The following NCAM2 variants were observed in gnomAD, a reference collection of about 807,000 sequenced individuals.
The protein encoded by NCAM2 is N-CAM-2.
Under a neutral mutation model 98.1 loss-of-function variants are expected in NCAM2, and 30 were observed. The ratio of observed to expected loss-of-function variants is 0.31; its 90% CI spans 0.23 to 0.41. The LOEUF (loss-of-function observed/expected upper bound fraction) is 0.41. NCAM2 is among the 10% of genes least tolerant of loss of function. NCAM2 has a pLI of 1.00. For missense variants in NCAM2, 867 were observed against 1,005.8 expected (o/e 0.86, Z 1.87); for synonymous variants, 368 against 342.4 (o/e 1.07, Z -0.83).
At chr21:21,365,903 C>G (rs1200500618) in intron 8 of NCAM2, among the ~76,000 whole-genome samples, 1 of 151,914 alleles carries the variant, frequency 6.6e-6, no homozygotes, top group Non-Finnish European at 1.5e-5. Context: ...GGAGTAGGTA[C>G]CCAGTAGTGG....
At chr21:21,082,490 C>T (rs1312130917) in intron 1 of NCAM2, among the ~76,000 whole-genome samples, 1 of 152,088 alleles carries the variant, frequency 6.6e-6, no homozygotes, top group African/African-American at 2.4e-5. Flanking sequence ...TTAAAAGTAG[C>T]TAGGTCAATA....
chr21:21,128,702 T>G (rs928331518), intron 1 of NCAM2, among the ~76,000 whole-genome samples: 4 of 152,128 alleles, frequency 2.6e-5, no homozygotes, highest in Non-Finnish European at 5.9e-5. Flanking sequence ...TAATTGGGCT[T>G]TGTAAGGCAA....
In NCAM2 at chr21:21,034,860, A is replaced by G. The variant is rs377044063; in HGVS notation, c.55+36242A>G. On this transcript the variant is annotated intron_variant, in intron 1 of 17. Coordinates refer to ENST00000400546, the MANE Select transcript of NCAM2 (RefSeq NM_004540.5). ...TTGGCCTAATTATTTGCAGAAGTATAGTAGAAACAGTGATTTACCATATAG... is the reference window on the plus strand; with the variant it reads ...TTGGCCTAATTATTTGCAGAAGTATGGTAGAAACAGTGATTTACCATATAG... 7.7e-3 allele frequency among the ~76,000 whole-genome samples: 1,178 copies of G among 152,026 alleles called. 25 individuals carry two copies. The highest frequency in any genetic ancestry group is 0.027 in the African/African-American group (1,121 of 41,464).
chr21:21,359,304 CT>C (rs143623073), intron 8 of NCAM2, among the ~76,000 whole-genome samples: 2,162 of 151,938 alleles, frequency 0.014, 40 homozygotes, highest in Admixed American at 0.037. Flanking sequence ...ATAATTAGGC[CT>C]GTTAGAAATC....
intron 1 of NCAM2, among the ~76,000 whole-genome samples, chr21:21,269,106 G>A (rs990075564): frequency 6.6e-6 from 1 of 152,074 alleles, no homozygotes; most frequent in Non-Finnish European, 1.5e-5. Context: ...CAATTTATTT[G>A]CCATTTAAAA....
At chr21:21,025,717 A>G (rs2064531990) in intron 1 of NCAM2, among the ~76,000 whole-genome samples, 1 of 152,194 alleles carries the variant, frequency 6.6e-6, no homozygotes, top group Non-Finnish European at 1.5e-5. Flanking sequence ...GGAAATAACT[A>G]GTACTACTTC....
intron 1 of NCAM2, among the ~76,000 whole-genome samples, chr21:21,183,142 T>C (rs994405259): frequency 1.3e-5 from 2 of 152,188 alleles, no homozygotes. Flanking sequence ...AAGAATGTTA[T>C]ATAAATTACT....
intron 4 of NCAM2, among the ~76,000 whole-genome samples, chr21:21,291,058 C>T (rs1368184695): frequency 6.6e-6 from 1 of 151,326 alleles, no homozygotes; most frequent in African/African-American, 2.4e-5. Flanking sequence ...CAAAGGTAAA[C>T]AATAGACTGT....
At chr21:21,254,620 T>G (rs1399739875) in intron 1 of NCAM2, among the ~76,000 whole-genome samples, 13 of 152,208 alleles carry the variant, frequency 8.5e-5, no homozygotes, top group Admixed American at 8.5e-4. Flanking sequence ...CTTCTTACCA[T>G]GCTAATGGCT....
At chr21:21,288,462 TG>T (rs1219130772) in intron 4 of NCAM2, among the ~76,000 whole-genome samples, 9 of 151,832 alleles carry the variant, frequency 5.9e-5, no homozygotes, top group Non-Finnish European at 8.8e-5. Context: ...GTAGAAGAAA[TG>T]GGTATAGTTT....
chr21:21,056,127 G>C (rs1240061444), intron 1 of NCAM2, among the ~76,000 whole-genome samples: 1 of 151,856 alleles, frequency 6.6e-6, no homozygotes, highest in Non-Finnish European at 1.5e-5. Flanking sequence ...TAAAATAATT[G>C]GAGGAAAAAA....
At chr21:21,189,686 AT>A (rs1365051935) in intron 1 of NCAM2, among the ~76,000 whole-genome samples, 3 of 152,354 alleles carry the variant, frequency 2.0e-5, no homozygotes, top group African/African-American at 7.2e-5. Context: ...TTATTTTTAT[AT>A]TGCTCTTAAA....
At chr21:21,362,057 C>T (rs2120667) in intron 8 of NCAM2, among the ~76,000 whole-genome samples, 1,936 of 152,030 alleles carry the variant, frequency 0.013, 43 homozygotes, top group African/African-American at 0.045. Flanking sequence ...TACTTTTCAA[C>T]AACCAGCTGT....
At chr21:21,225,337 C>A (rs1781085667) in intron 1 of NCAM2, among the ~76,000 whole-genome samples, 1 of 152,024 alleles carries the variant, frequency 6.6e-6, no homozygotes, top group South Asian at 2.1e-4. Flanking sequence ...ATAGGTGCAG[C>A]AAACCACCAT....
At chr21:21,072,062 G>A (rs1330128860) in intron 1 of NCAM2, among the ~76,000 whole-genome samples, 12 of 152,010 alleles carry the variant, frequency 7.9e-5, no homozygotes, top group African/African-American at 1.4e-4. Flanking sequence ...ACAGGCACCC[G>A]CCACCACGCC....
At chr21:21,102,756 G>A (rs1276844452) in intron 1 of NCAM2, among the ~76,000 whole-genome samples, 1 of 151,876 alleles carries the variant, frequency 6.6e-6, no homozygotes, top group Admixed American at 6.6e-5. Flanking sequence ...GCCACTCTGT[G>A]AATCAACCTA....
At chr21:21,210,735 C>T (rs1404291063) in intron 1 of NCAM2, 17 of 980,390 alleles carry the variant, frequency 1.7e-5, no homozygotes, top group Non-Finnish European at 2.2e-5. Flanking sequence ...TAAGGAATGT[C>T]AAAATGTCAT....
chr21:21,370,462 T>C (rs1171446669), intron 8 of NCAM2, among the ~76,000 whole-genome samples: 1 of 151,836 alleles, frequency 6.6e-6, no homozygotes, highest in Non-Finnish European at 1.5e-5. Context: ...TCATTTAAAA[T>C]TGAATAACAT....
chr21:21,477,163 C>T (rs1364573070), intron 14 of NCAM2, 128 bp from the exon 15 acceptor site: 1 of 580,456 alleles, frequency 1.7e-6, no homozygotes, highest in Non-Finnish European at 2.8e-6. Context: ...TTCATGTATC[C>T]CTGTGCCTAT....
Sources: allele counts gnomAD v4.1 joint callset (sites outside exome capture counted in the v4.1 genomes callset), GRCh38; gene constraint gnomAD v4.1.1; transcripts MANE v1.5; gene names NCBI Gene and HGNC (gene_info 2026-07-23, HGNC 2026-07-21).